Variants in WIPF1 observed in about 807,000 individuals in gnomAD.
WIPF1 encodes the protein WAS/WASL interacting protein family member 1.
In WIPF1, 13 loss-of-function variants were observed where a neutral mutation model predicts 35.4. The ratio of observed to expected loss-of-function variants is 0.37; its 90% CI spans 0.24 to 0.58. WIPF1 has a LOEUF of 0.58. Ranked by LOEUF, WIPF1 falls within the 20% of genes least tolerant of loss-of-function variation. The pLI is 0.74. For missense variants in WIPF1, 591 were observed against 667.0 expected (o/e 0.89, Z 1.25); for synonymous variants, 267 against 266.3 (o/e 1.00, Z -0.02).
chr2:174,620,770 A>G (rs1686649608), intron 1 of WIPF1, among the ~76,000 whole-genome samples: 1 of 152,202 alleles, frequency 6.6e-6, no homozygotes, highest in Non-Finnish European at 1.5e-5. Context: ...GGTGCACATG[A>G]TGCCGTGGGG....
chr2:174,574,514 C>A (rs182860087), intron 4 of WIPF1, among the ~76,000 whole-genome samples: 1 of 152,132 alleles, frequency 6.6e-6, no homozygotes, highest in Non-Finnish European at 1.5e-5. Context: ...ATAACATGAT[C>A]AACATTACAA....
In WIPF1 at chr2:174,571,333, C is replaced by T. The variant is rs952276331; in HGVS notation, c.1129+343G>A. The T allele has an allele frequency of 6.7e-5, 35 of 523,576 alleles. No homozygotes were observed. 32.4% of individuals were successfully genotyped at this position (523,576 alleles called of 1,614,324 possible). A position where few individuals can be genotyped will look rare whatever the true frequency, so the allele number is the denominator to read the frequency against. ...TGGGGACTTATTTTCCCAATTAAGA[C>T]CGCCGAAATTCTCTCTAGGGAGGCA... On this transcript the variant is annotated intron_variant, in intron 5 of 7. Coordinates refer to ENST00000679041, the MANE Select transcript of WIPF1 (RefSeq NM_001375834.1). This position sits in a 1 kb window ranked among gnomAD's most constrained non-coding sequence, Gnocchi z 4.6.
chr2:174,661,870 TG>T (rs572471130), intron 1 of WIPF1, among the ~76,000 whole-genome samples: 1 of 152,056 alleles, frequency 6.6e-6, no homozygotes, highest in Non-Finnish European at 1.5e-5. Context: ...GTGTGGTGTC[TG>T]GGGGGGTGTG....
intron 1 of WIPF1, among the ~76,000 whole-genome samples, chr2:174,618,771 G>A (rs543144511): frequency 6.6e-6 from 1 of 152,276 alleles, no homozygotes; most frequent in Non-Finnish European, 1.5e-5. Context: ...TCATGCCTCT[G>A]CTCAGTCTGT....
chr2:174,574,918 C>T (rs1684994988), intron 4 of WIPF1: 1 of 716,766 alleles, frequency 1.4e-6, no homozygotes. Flanking sequence ...TTGCTCCTCC[C>T]TTTTCTTCCC....
At chr2:174,595,109 AATATATATATATAT>A (rs1158052520) in intron 1 of WIPF1, among the ~76,000 whole-genome samples, 1,013 of 57,384 alleles carry the variant, frequency 0.018, 17 homozygotes, top group East Asian at 0.058. Context: ...AAAAAAAAAA[AATATATATATATAT>A]ATATATATAT....
intron 1 of WIPF1, among the ~76,000 whole-genome samples, chr2:174,650,362 A>G (rs1687509455): frequency 6.6e-6 from 1 of 152,230 alleles, no homozygotes; most frequent in African/African-American, 2.4e-5. Context: ...TTAGTTTGAC[A>G]GTTTTATAAA....
intron 1 of WIPF1, among the ~76,000 whole-genome samples, chr2:174,611,504 T>A (rs1014733326): frequency 1.3e-5 from 2 of 152,234 alleles, no homozygotes; most frequent in African/African-American, 4.8e-5. Context: ...TAAGGTGGTA[T>A]CAGGAGGAGG....
chr2:174,603,355 T>C (rs1207411679), intron 1 of WIPF1, among the ~76,000 whole-genome samples: 1 of 152,202 alleles, frequency 6.6e-6, no homozygotes, highest in Non-Finnish European at 1.5e-5. Flanking sequence ...ATAAAGGAAT[T>C]GGTACTAGAA....
chr2:174,575,385 A>G lies in WIPF1; in HGVS notation c.182-5T>C, dbSNP rs1364218808. ...CAGCACCAGCTCCTTTAGGTTCTGT[A>G]GAAGAAGAGACACCCGACAGACTAT... is the stretch of plus-strand genomic sequence containing the variant. On this transcript the variant is annotated splice_polypyrimidine_tract_variant and splice_region_variant and intron_variant, in intron 3 of 7. Transcript: ENST00000679041. 11 of 1,603,784 alleles carry G rather than the reference A, an allele frequency of 6.9e-6. No homozygotes were observed. The highest frequency in any genetic ancestry group is 2.2e-5 in the South Asian group (2 of 89,934).
chr2:174,606,025 A>T (rs543745692), intron 1 of WIPF1, among the ~76,000 whole-genome samples: 215 of 152,304 alleles, frequency 1.4e-3, no homozygotes, highest in Non-Finnish European at 2.3e-3. Flanking sequence ...GGATAGAATG[A>T]GGGCTCCCCT....
chr2:174,601,889 G>A (rs552203888), upstream of WIPF1, among the ~76,000 whole-genome samples: 68 of 152,290 alleles, frequency 4.5e-4, no homozygotes, highest in Admixed American at 1.8e-3. Context: ...ACTGTCCAGC[G>A]CCATTAATGT....
At chr2:174,663,251 C>A (rs1468873212) in intron 1 of WIPF1, among the ~76,000 whole-genome samples, 1 of 152,140 alleles carries the variant, frequency 6.6e-6, no homozygotes, top group Non-Finnish European at 1.5e-5. Flanking sequence ...CTCCAGTTTA[C>A]AAGTTACCAG....
intron 1 of WIPF1, among the ~76,000 whole-genome samples, chr2:174,680,645 G>C (rs1166729347): frequency 6.6e-6 from 1 of 152,166 alleles, no homozygotes; most frequent in Non-Finnish European, 1.5e-5. Flanking sequence ...CAAAGACAAT[G>C]ACACAGACCC....
At chr2:174,592,200 C>T (rs1458595028) in intron 1 of WIPF1, among the ~76,000 whole-genome samples, 2 of 152,196 alleles carry the variant, frequency 1.3e-5, no homozygotes, top group African/African-American at 4.8e-5. Flanking sequence ...CTAGGGCCCA[C>T]ACTACAGAAT....
chr2:174,564,603 G>A (rs1490061719), intron 7 of WIPF1, among the ~76,000 whole-genome samples: 1 of 152,108 alleles, frequency 6.6e-6, no homozygotes, highest in Non-Finnish European at 1.5e-5. Flanking sequence ...GAAGATATAT[G>A]CTTAGCTATT....
chr2:174,598,914 A>G (rs1207752217), upstream of WIPF1, among the ~76,000 whole-genome samples: 1 of 152,232 alleles, frequency 6.6e-6, no homozygotes, highest in Admixed American at 6.5e-5. Context: ...GAAAATGCTC[A>G]TAATTTTTTC....
At chr2:174,639,736 T>C (rs989608432) in intron 1 of WIPF1, among the ~76,000 whole-genome samples, 1 of 152,220 alleles carries the variant, frequency 6.6e-6, no homozygotes, top group Non-Finnish European at 1.5e-5. Context: ...TTTGTCTATT[T>C]TGGCTTTGTT....
At chr2:174,672,291 G>C (rs796832078) in intron 1 of WIPF1, among the ~76,000 whole-genome samples, 3 of 152,380 alleles carry the variant, frequency 2.0e-5, no homozygotes, top group African/African-American at 7.2e-5. Context: ...TAGTGAGGTA[G>C]TGTGATTTTT....
Sources: gnomAD v4.1 joint callset for allele counts (sites outside exome capture counted in the v4.1 genomes callset) on GRCh38, gnomAD v4.1.1 for gene constraint, Gnocchi (gnomAD v3.1) non-coding constraint, MANE v1.5 for transcripts, NCBI Gene and HGNC (gene_info 2026-07-23, HGNC 2026-07-21) for gene names.